The following MPPED1 variants were observed in gnomAD, a reference collection of about 807,000 sequenced individuals.
MPPED1 encodes metallophosphoesterase domain containing 1, also known as metallophosphoesterase domain-containing protein 1.
In MPPED1, 16 loss-of-function variants were observed where a neutral mutation model predicts 36.2. That is an observed-to-expected ratio of 0.44 (90% CI 0.30 to 0.67). The LOEUF (loss-of-function observed/expected upper bound fraction) is 0.67. MPPED1 is among the 30% of genes least tolerant of loss of function. The probability of loss-of-function intolerance (pLI) is 0.10; values close to 1 mark genes in which losing one functional copy is unlikely to be tolerated. For missense variants in MPPED1, 307 were observed against 453.4 expected (o/e 0.68, Z 2.93); for synonymous variants, 199 against 191.3 (o/e 1.04, Z -0.33).
intron 3 of MPPED1, among the ~76,000 whole-genome samples, chr22:43,444,320 G>C (rs1380419882): frequency 7.7e-6 from 1 of 130,050 alleles, no homozygotes; most frequent in African/African-American, 2.8e-5. Context: ...GTGTGTGTGT[G>C]TATCAAACAT....
intron 2 of MPPED1, among the ~76,000 whole-genome samples, chr22:43,429,565 C>T (rs776316192): frequency 6.6e-5 from 10 of 152,244 alleles, no homozygotes; most frequent in Non-Finnish European, 1.0e-4. Context: ...AAGTCTTTCC[C>T]GCTCCAGCTC....
Position 43,506,946 on chromosome 22 carries a change from C to G in MPPED1, c.*1330C>G, listed in dbSNP as rs1285898044. On this transcript the variant is annotated 3_prime_UTR_variant, in exon 7 of 7. Coordinates refer to ENST00000443721, the MANE Select transcript of MPPED1 (RefSeq NM_001044370.2). ...TTGGTGACTTTTTTTGCACCCCTTT[C>G]CGTTGTACATCTGAGAGAAGGGTGT... 1 of 152,194 alleles carries G rather than the reference C, an allele frequency of 6.6e-6. No homozygotes were observed. Among genetic ancestry groups the G allele is most frequent in the Non-Finnish European group, 1.5e-5 (1 of 68,034 alleles). The allele number at this position is 152,194 out of a possible 1,614,324, so 9.4% of individuals were successfully genotyped here.
chr22:43,443,509 C>G (rs1453262538), intron 3 of MPPED1, among the ~76,000 whole-genome samples: 3 of 152,034 alleles, frequency 2.0e-5, no homozygotes, highest in Admixed American at 6.6e-5. Context: ...GAAGTGGAAT[C>G]AACAGAATTT....
At chr22:43,488,877 C>T (rs1208189016) in intron 4 of MPPED1, among the ~76,000 whole-genome samples, 1 of 152,252 alleles carries the variant, frequency 6.6e-6, no homozygotes, top group Non-Finnish European at 1.5e-5. Flanking sequence ...GTGGGGCTGG[C>T]ACTGGGGATC....
intron 4 of MPPED1, among the ~76,000 whole-genome samples, chr22:43,492,545 C>T (rs562936930): frequency 2.8e-4 from 42 of 152,200 alleles, no homozygotes; most frequent in Admixed American, 2.6e-3. Flanking sequence ...CTGAGAGAGC[C>T]CATACTGGGG....
intron 5 of MPPED1, among the ~76,000 whole-genome samples, chr22:43,500,267 G>A: frequency 7.6e-6 from 1 of 130,864 alleles, no homozygotes; most frequent in Non-Finnish European, 1.6e-5. Flanking sequence ...TGGTGATGGT[G>A]ATGGAGGTGG....
At chr22:43,444,539 T>G (rs944405714) in intron 3 of MPPED1, among the ~76,000 whole-genome samples, 1 of 152,044 alleles carries the variant, frequency 6.6e-6, no homozygotes, top group African/African-American at 2.4e-5. Context: ...ATTTTTGTAT[T>G]TTTTGTGGAA....
chr22:43,492,050 G>T (rs746911076), intron 4 of MPPED1, among the ~76,000 whole-genome samples: 1 of 151,670 alleles, frequency 6.6e-6, no homozygotes, highest in Non-Finnish European at 1.5e-5. Flanking sequence ...TGGTGGTGAT[G>T]GAGGTGGTGC....
intron 1 of MPPED1, among the ~76,000 whole-genome samples, chr22:43,412,544 G>C (rs1465427943): frequency 6.6e-6 from 1 of 152,190 alleles, no homozygotes; most frequent in African/African-American, 2.4e-5. Context: ...TACTGTGTGC[G>C]CTGCCAAGCC....
chr22:43,485,415 TATTC>T lies in MPPED1; in HGVS notation c.632+10457_632+10460del, dbSNP rs1401284143. ...ATATTCACATATGTACATTCACACA[TATTC>T]ATACACACATTCACACACACTAATA... is the stretch of plus-strand genomic sequence containing the variant. On this transcript the variant is annotated intron_variant, in intron 4 of 6. Coordinates refer to ENST00000443721, the MANE Select transcript of MPPED1 (RefSeq NM_001044370.2). Among the ~76,000 whole-genome samples, 3 of 151,818 alleles carry T rather than the reference TATTC, an allele frequency of 2.0e-5. No homozygotes were observed. In the East Asian group the frequency reaches 5.8e-4, roughly 29 times the overall value.
At chr22:43,412,294 T>A in intron 1 of MPPED1, 136 bp downstream of exon 1, 1 of 518,410 alleles carries the variant, frequency 1.9e-6, no homozygotes. Context: ...TTTGGCCGCC[T>A]TTGCCGGGTG....
intron 1 of MPPED1, among the ~76,000 whole-genome samples, chr22:43,415,554 T>C (rs946607029): frequency 8.5e-5 from 13 of 152,344 alleles, no homozygotes; most frequent in Admixed American, 2.6e-4. Context: ...AATTGTGATT[T>C]GAGGTGTTCC....
chr22:43,503,221 G>A (rs1035563779), intron 6 of MPPED1, among the ~76,000 whole-genome samples: 1 of 152,194 alleles, frequency 6.6e-6, no homozygotes, highest in African/African-American at 2.4e-5. Context: ...GATGGTGAGG[G>A]TGATGTCAGC....
chr22:43,445,255 A>C (rs1930295434), intron 3 of MPPED1, among the ~76,000 whole-genome samples: 1 of 152,208 alleles, frequency 6.6e-6, no homozygotes. Context: ...ATATTTATTT[A>C]GTTACCTGGT....
At chr22:43,436,350 C>T (rs1171668819) in intron 3 of MPPED1, among the ~76,000 whole-genome samples, 5 of 152,202 alleles carry the variant, frequency 3.3e-5, no homozygotes, top group East Asian at 1.9e-4. Context: ...AGGGGCGTCC[C>T]GCTGTGCAGT....
chr22:43,445,989 GC>G (rs1439063938), intron 3 of MPPED1, among the ~76,000 whole-genome samples: 1 of 143,854 alleles, frequency 7.0e-6, no homozygotes, highest in Non-Finnish European at 1.5e-5. Context: ...TCCCGCCTTA[GC>G]CCCCCTAGTA....
At chr22:43,482,022 A>G (rs1355323162) in intron 4 of MPPED1, among the ~76,000 whole-genome samples, 1 of 152,164 alleles carries the variant, frequency 6.6e-6, no homozygotes, top group Non-Finnish European at 1.5e-5. Context: ...GTGGACCCTC[A>G]GGTGCAGCCG....
In MPPED1 at chr22:43,433,202, C is replaced by T. The variant is rs905094919; in HGVS notation, c.225-1832C>T. On this transcript the variant is annotated intron_variant, in intron 2 of 6. Coordinates refer to ENST00000443721, the MANE Select transcript of MPPED1 (RefSeq NM_001044370.2). The stretch of plus-strand genomic sequence containing the variant: ...AGCTTCCAGACCAGCTCAGACACTA[C>T]CCCTGATGGAAGCTTCCAGAAGACC... 3.3e-5 allele frequency among the ~76,000 whole-genome samples: 5 copies of T among 152,152 alleles called. No homozygotes were observed. In the South Asian group the frequency reaches 6.2e-4, roughly 19 times the overall value.
chr22:43,476,167 T>G (rs1304585552), intron 4 of MPPED1, among the ~76,000 whole-genome samples: 1 of 152,130 alleles, frequency 6.6e-6, no homozygotes, highest in South Asian at 2.1e-4. Context: ...CTATAAACCT[T>G]ATCTCTAATC....
Sources: allele counts gnomAD v4.1 joint callset (sites outside exome capture counted in the v4.1 genomes callset), GRCh38; gene constraint gnomAD v4.1.1; transcripts MANE v1.5; gene names NCBI Gene and HGNC (gene_info 2026-07-23, HGNC 2026-07-21).